The following COQ7 variants were observed in gnomAD, a reference collection of about 807,000 sequenced individuals.
COQ7 encodes coenzyme Q7, hydroxylase.
Under a neutral mutation model 25.0 loss-of-function variants are expected in COQ7, and 21 were observed. The ratio of observed to expected loss-of-function variants is 0.84; its 90% CI spans 0.60 to 1.21. The LOEUF is 1.21. Ranked by LOEUF, COQ7 falls within the 50% of genes most tolerant of loss-of-function variation. COQ7 has a pLI of 0.00. For synonymous variants in COQ7, 125 were observed against 112.4 expected (o/e 1.11, Z -0.71); for missense variants, 311 against 296.2 (o/e 1.05, Z -0.37).
intron 1 of COQ7, among the ~76,000 whole-genome samples, chr16:19,069,433 C>T (rs1369157479): frequency 1.9e-5 from 2 of 105,240 alleles, no homozygotes; most frequent in African/African-American, 3.4e-5. Context: ...TTTTTTGAGG[C>T]AGAGTCTTGC....
downstream of COQ7, among the ~76,000 whole-genome samples, chr16:19,080,342 A>G (rs1304674784): frequency 6.6e-6 from 1 of 152,252 alleles, no homozygotes; most frequent in Admixed American, 6.5e-5. Context: ...TACCAAAAAA[A>G]GAAGGGAAAG....
chr16:19,075,716 C>G lies in COQ7; in HGVS notation c.368-5C>G. On this transcript the variant is annotated splice_region_variant and splice_polypyrimidine_tract_variant and intron_variant, in intron 3 of 5. Transcript: ENST00000321998. The stretch of plus-strand genomic sequence containing the variant: ...ACTTTTCTGGTCTGGGTTTAACAAT[C>G]CCAGGGGCGGGGACCGCCTTGCTCG... The G allele has an allele frequency of 1.3e-6, 2 of 1,561,732 alleles. No individual in the cohort carries two copies. Among genetic ancestry groups the G allele is most frequent in the Non-Finnish European group, 1.7e-6 (2 of 1,157,970 alleles).
Position 19,067,727 on chromosome 16 carries a change from G to A in COQ7, c.63G>A (p.Arg21=). 6.2e-7 allele frequency: 1 copy of A among 1,604,828 alleles called. No individual in the cohort carries two copies. The highest frequency in any genetic ancestry group is 2.2e-5 in the East Asian group (1 of 44,780). ...GGCGGCTGCGCCCGGGGGCCCGGCGGTCCCTCTCAGGTAAAAGGAGGCGCG... is the reference window on the plus strand; with the variant it reads ...GGCGGCTGCGCCCGGGGGCCCGGCGATCCCTCTCAGGTAAAAGGAGGCGCG... The part of the protein sequence containing the change: ...RLWRLRPGAR[R]SLSAYGRRTS... Residue 21 remains arginine (R), a synonymous_variant, in exon 1 of 6, where the codon CGG becomes CGA. Coordinates refer to ENST00000321998, the MANE Select transcript of COQ7 (RefSeq NM_016138.5).
chr16:19,067,662 G>T lies in COQ7; in HGVS notation c.-3G>T. 1 of 1,613,264 alleles carries T rather than the reference G, an allele frequency of 6.2e-7. No homozygotes were observed. The highest frequency in any genetic ancestry group is 8.5e-7 in the Non-Finnish European group (1 of 1,179,642). On this transcript the variant is annotated 5_prime_UTR_variant, in exon 1 of 6. Coordinates refer to ENST00000321998, the MANE Select transcript of COQ7 (RefSeq NM_016138.5). ...GAAGTGGTTGCTTTTTTTAGTTCCG[G>T]CAATGAGTTGCGCCGGGGCGGCGGC...
intron 5 of COQ7, 49 bp from the exon 6 acceptor site, chr16:19,078,032 G>A (rs972829403): frequency 6.8e-6 from 10 of 1,475,036 alleles, no homozygotes; most frequent in East Asian, 4.9e-5. Flanking sequence ...TCTTACAACC[G>A]AAAATGAGCA....
chr16:19,078,288 G>GTTTT lies in COQ7; in HGVS notation c.*140_*143dup. 3.9e-6 allele frequency: 2 copies of GTTTT among 515,472 alleles called. No individual in the cohort carries two copies. The highest frequency in any genetic ancestry group is 6.0e-6 in the Non-Finnish European group (2 of 336,080). The allele number at this position is 515,472 out of a possible 1,614,324, so 31.9% of individuals were successfully genotyped here. A position where few individuals can be genotyped will look rare whatever the true frequency, so the allele number is the denominator to read the frequency against. Reference sequence around the variant, plus strand: ...ATTTTGTTAATAAATTATAAGGTTTGTTTTTTTTTTTTTAAACTCTGCAGT... The same window carrying GTTTT: ...ATTTTGTTAATAAATTATAAGGTTTGTTTTTTTTTTTTTTTTTAAACTCTGCAGT... On this transcript the variant is annotated 3_prime_UTR_variant, in exon 6 of 6. Coordinates refer to ENST00000321998, the MANE Select transcript of COQ7 (RefSeq NM_016138.5).
Position 19,079,252 on chromosome 16 carries a change from T to C in COQ7, c.*1094T>C, listed in dbSNP as rs1307757876. ...GACTGTGAGCAATAAATGTTTGATG[T>C]TTATAAGCCACCCAGACTGTGGTAT... On this transcript the variant is annotated 3_prime_UTR_variant, in exon 6 of 6. Coordinates refer to ENST00000321998, the MANE Select transcript of COQ7 (RefSeq NM_016138.5). The C allele has an allele frequency of 6.6e-6, 1 of 152,182 alleles. No homozygotes were observed. The allele number at this position is 152,182 out of a possible 1,614,324, so 9.4% of individuals were successfully genotyped here. A position where few individuals can be genotyped will look rare whatever the true frequency, so the allele number is the denominator to read the frequency against.
chr16:19,082,719 A>G (rs987899685), downstream of COQ7, among the ~76,000 whole-genome samples: 7 of 151,912 alleles, frequency 4.6e-5, no homozygotes, highest in Non-Finnish European at 8.8e-5. Context: ...GTGAGCTGAG[A>G]TCACACCACT....
intron 1 of COQ7, chr16:19,068,133 G>A: frequency 9.4e-7 from 1 of 1,059,702 alleles, no homozygotes; most frequent in Non-Finnish European, 1.1e-6. Flanking sequence ...ACGACCAGCA[G>A]CCTCCGCTAC....
intron 1 of COQ7, 124 bp from the exon 2 acceptor site, chr16:19,071,803 TG>T: frequency 1.0e-6 from 1 of 979,012 alleles, no homozygotes. Context: ...AGTCCGTTTA[TG>T]GGCACGCCTG....
downstream of COQ7, among the ~76,000 whole-genome samples, chr16:19,080,552 C>T (rs756122876): frequency 4.0e-5 from 6 of 151,836 alleles, no homozygotes; most frequent in Non-Finnish European, 8.8e-5. Flanking sequence ...CTTTTTTGAC[C>T]CCTAACTTTT....
chr16:19,072,173 T>G (rs1962597833), intron 2 of COQ7, 67 bp downstream of exon 2: 2 of 1,585,268 alleles, frequency 1.3e-6, no homozygotes, highest in Non-Finnish European at 1.7e-6. Context: ...CTTCAAGTAA[T>G]GAATCATGGG....
In COQ7 at chr16:19,079,261, CA is replaced by C. The variant is rs1963018898; in HGVS notation, c.*1104del. The C allele has an allele frequency of 6.6e-6, 1 of 152,110 alleles. No homozygotes were observed. The highest frequency in any genetic ancestry group is 2.4e-5 in the African/African-American group (1 of 41,408). The allele number at this position is 152,110 out of a possible 1,614,324, so 9.4% of individuals were successfully genotyped here. ...CAATAAATGTTTGATGTTTATAAGCCACCCAGACTGTGGTATTTTGTTATAG... is the reference window on the plus strand; with the variant it reads ...CAATAAATGTTTGATGTTTATAAGCCCCCAGACTGTGGTATTTTGTTATAG... On this transcript the variant is annotated 3_prime_UTR_variant, in exon 6 of 6. Transcript: ENST00000321998.
At position 19,067,848 on chromosome 16, in the gene COQ7, C is replaced by A. The variant is rs35787586; in HGVS notation, c.73+111C>A. On this transcript the variant is annotated intron_variant, in intron 1 of 5. Transcript: ENST00000321998. Reference sequence around the variant, plus strand: ...GGGGAGAGGTTCGTAACGTCACAGGCCTGCGACGGAGCGCGACTGCGTGAC... The same window carrying A: ...GGGGAGAGGTTCGTAACGTCACAGGACTGCGACGGAGCGCGACTGCGTGAC... The A allele has an allele frequency of 0.18, 274,721 of 1,516,458 alleles. 25,928 individuals carry two copies. The highest frequency in any genetic ancestry group is 0.22 in the Admixed American group (9,669 of 44,146). 93.9% of individuals were successfully genotyped at this position (1,516,458 alleles called of 1,614,324 possible). A position where few individuals can be genotyped will look rare whatever the true frequency, so the allele number is the denominator to read the frequency against.
At chr16:19,077,589 G>GTTTTTTTTTTTTTTTTTTTTTTTT (rs1413837387) in intron 5 of COQ7, among the ~76,000 whole-genome samples, 17 of 18,592 alleles carry the variant, frequency 9.1e-4, no homozygotes, top group Non-Finnish European at 1.8e-3. Context: ...TTCCCCAGAA[G>GTTTTTTTTTTTTTTTTTTTTTTTT]CTTTTTTTTT....
downstream of COQ7, among the ~76,000 whole-genome samples, chr16:19,082,077 A>G (rs1963109880): frequency 6.6e-6 from 1 of 152,238 alleles, no homozygotes. Context: ...ATGAATGCTC[A>G]TAATAACTAA....
chr16:19,077,601 T>TTTTTTTTTTTTTTTC (rs1302517905), intron 5 of COQ7, among the ~76,000 whole-genome samples: 34 of 140,372 alleles, frequency 2.4e-4, no homozygotes, highest in Non-Finnish European at 4.3e-4. Context: ...TTTTTTTTTT[T>TTTTTTTTTTTTTTTC]TTTCCCAGAC....
intron 3 of COQ7, 91 bp from the exon 4 acceptor site, chr16:19,075,630 G>A: frequency 2.1e-6 from 3 of 1,401,702 alleles, no homozygotes; most frequent in Non-Finnish European, 2.9e-6. Flanking sequence ...CCGATGTCTG[G>A]TGCAGAGGTT....
At chr16:19,077,602 T>TTTTTTTTTTTTTTTTTTTTTTTTTTTTTC (rs1383551592) in intron 5 of COQ7, among the ~76,000 whole-genome samples, 3 of 140,274 alleles carry the variant, frequency 2.1e-5, no homozygotes, top group Non-Finnish European at 4.7e-5. Flanking sequence ...TTTTTTTTTT[T>TTTTTTTTTTTTTTTTTTTTTTTTTTTTTC]TTCCCAGACA....
Sources: allele counts gnomAD v4.1 joint callset (sites outside exome capture counted in the v4.1 genomes callset), GRCh38; gene constraint gnomAD v4.1.1; transcripts MANE v1.5; gene names NCBI Gene and HGNC (gene_info 2026-07-23, HGNC 2026-07-21).